The following TECTA variants were observed in gnomAD, a reference collection of about 807,000 sequenced individuals.
The protein encoded by TECTA is tectorin alpha, also known as alpha-tectorin.
Under a neutral mutation model 216.8 loss-of-function variants are expected in TECTA, and 128 were observed. The ratio of observed to expected loss-of-function variants is 0.59; its 90% CI spans 0.51 to 0.68. The LOEUF (loss-of-function observed/expected upper bound fraction) is 0.68. Among genes scored for constraint, TECTA ranks in the 30% least tolerant of loss-of-function variants. TECTA has a pLI of 0.00. For missense variants in TECTA, 2,551 were observed against 2,786.2 expected (o/e 0.92, Z 1.90); for synonymous variants, 1,089 against 1,117.1 (o/e 0.97, Z 0.50).
chr11:121,178,988 A>G (rs1254401439), intron 20 of TECTA, among the ~76,000 whole-genome samples: 4 of 151,996 alleles, frequency 2.6e-5, no homozygotes, highest in African/African-American at 9.7e-5. Flanking sequence ...TTTTCCCCTT[A>G]AGTTAGTCTA....
chr11:121,189,922 G>A (rs1444377448), intron 23 of TECTA, 42 bp downstream of exon 23: 6 of 1,541,976 alleles, frequency 3.9e-6, no homozygotes, highest in South Asian at 1.1e-5. Flanking sequence ...TGGGAGACAC[G>A]GGAGGTTCTT....
At chr11:121,128,805 C>T (rs1282383245) in intron 9 of TECTA, among the ~76,000 whole-genome samples, 1 of 152,202 alleles carries the variant, frequency 6.6e-6, no homozygotes, top group Non-Finnish European at 1.5e-5. Flanking sequence ...AACTCCCCTA[C>T]CTATACATGC....
intron 16 of TECTA, among the ~76,000 whole-genome samples, chr11:121,163,889 G>A (rs1947026207): frequency 6.6e-6 from 1 of 152,214 alleles, no homozygotes; most frequent in South Asian, 2.1e-4. Flanking sequence ...TATGTGCTTA[G>A]CACTGTGCTA....
chr11:121,176,204 TTA>T (rs1947164953), intron 20 of TECTA, among the ~76,000 whole-genome samples: 1 of 151,544 alleles, frequency 6.6e-6, no homozygotes, highest in African/African-American at 2.4e-5. Context: ...GTTAATATTG[TTA>T]TGTGTGAATT....
In TECTA at chr11:121,113,496, A is replaced by T. The variant is rs1436798334; in HGVS notation, c.625-57A>T. On this transcript the variant is annotated intron_variant, in intron 5 of 23. Coordinates refer to ENST00000392793, the MANE Select transcript of TECTA (RefSeq NM_005422.4). This position sits in a 1 kb window ranked among gnomAD's most constrained non-coding sequence, Gnocchi z 4.2. ...ATTTTAAAAATAAGGTAGTTGGGCC[A>T]GTTAACCCATGGGGAATTTTTGTAC... 9 of 1,609,340 alleles carry T rather than the reference A, an allele frequency of 5.6e-6. No homozygotes were observed. The highest frequency in any genetic ancestry group is 7.7e-6 in the Non-Finnish European group (9 of 1,175,918).
At chr11:121,134,000 A>G (rs944242421) in intron 10 of TECTA, among the ~76,000 whole-genome samples, 5 of 151,928 alleles carry the variant, frequency 3.3e-5, no homozygotes, top group Non-Finnish European at 1.5e-5. Flanking sequence ...TTTCATCTAT[A>G]TTTCATCTTC....
chr11:121,114,438 C>T (rs1427469732), intron 6 of TECTA, among the ~76,000 whole-genome samples: 1 of 152,168 alleles, frequency 6.6e-6, no homozygotes, highest in Non-Finnish European at 1.5e-5. Context: ...TTTATGAATT[C>T]CTGCTTTTTT....
At position 121,191,203 on chromosome 11, in the gene TECTA, C is replaced by T. The variant is rs537301312; in HGVS notation, c.*397C>T. The T allele has an allele frequency of 1.5e-4, 47 of 304,744 alleles. No homozygotes were observed. The highest frequency in any genetic ancestry group is 1.5e-4 in the Non-Finnish European group (24 of 159,084). The allele number at this position is 304,744 out of a possible 1,614,324, so 18.9% of individuals were successfully genotyped here. Reference sequence around the variant, plus strand: ...TTTACAGAGAGAGGGCCTGTTGGAACGATTTTGAAGTGATGACTGGAAGGT... The same window carrying T: ...TTTACAGAGAGAGGGCCTGTTGGAATGATTTTGAAGTGATGACTGGAAGGT... On this transcript the variant is annotated 3_prime_UTR_variant, in exon 24 of 24. Coordinates refer to ENST00000392793, the MANE Select transcript of TECTA (RefSeq NM_005422.4).
chr11:121,146,633 T>A (rs1238892002), intron 12 of TECTA, among the ~76,000 whole-genome samples: 1 of 152,240 alleles, frequency 6.6e-6, no homozygotes, highest in South Asian at 2.1e-4. Flanking sequence ...TAGCCTTTAC[T>A]CTGTCTTTAA....
chr11:121,161,931 G>C, intron 15 of TECTA, 144 bp from the exon 16 acceptor site: 1 of 935,918 alleles, frequency 1.1e-6, no homozygotes, highest in Non-Finnish European at 1.7e-6. Context: ...GAGACTAGCA[G>C]TATCTTACTT....
intron 6 of TECTA, among the ~76,000 whole-genome samples, chr11:121,115,908 C>A (rs900592764): frequency 5.3e-5 from 8 of 152,174 alleles, no homozygotes; most frequent in Non-Finnish European, 1.0e-4. Flanking sequence ...CCTCCCATCT[C>A]AGCCTTCCAA....
chr11:121,127,947 A>T lies in TECTA; in HGVS notation c.1970A>T (p.His657Leu). ...AAGTGCGGCTGCGACTTCGACGGCC[A>T]CTACTACACCATGGGGGAGTTCTTC... ...LHKCGCDFDG[H>L]YYTMGEFFWA... Residue 657 changes from histidine (H) to leucine (L), a missense_variant, in exon 9 of 24, where the codon CAC becomes CTC. Physicochemically the swap from His to Leu is moderately conservative, Grantham distance 99. Coordinates refer to ENST00000392793, the MANE Select transcript of TECTA (RefSeq NM_005422.4). This position sits in a 1 kb window ranked among gnomAD's most constrained non-coding sequence, Gnocchi z 5.0. 1 of 1,614,182 alleles carries T rather than the reference A, an allele frequency of 6.2e-7. No homozygotes were observed. Among genetic ancestry groups the T allele is most frequent in the Non-Finnish European group, 8.5e-7 (1 of 1,180,024 alleles).
Position 121,145,766 on chromosome 11 carries a change from T to C in TECTA, c.3755T>C (p.Leu1252Pro). The change falls in exon 12 of 24, where the codon CTG (leucine) becomes CCG (proline). Residue 1252 changes from leucine to proline, a missense_variant. Transcript: ENST00000392793. ...TACAACGGCAACCCTGATGATGACC[T>C]GGAGATGCCCATGGGTCTGCTTGCA... ...GRYNGNPDDD[L>P]EMPMGLLASS... is the part of the protein sequence containing the mutation. 1.9e-6 allele frequency: 3 copies of C among 1,614,164 alleles called. No homozygotes were observed. The highest frequency in any genetic ancestry group is 2.5e-6 in the Non-Finnish European group (3 of 1,180,032).
At chr11:121,151,585 G>T (rs1456331378) in intron 12 of TECTA, among the ~76,000 whole-genome samples, 1 of 152,118 alleles carries the variant, frequency 6.6e-6, no homozygotes, top group African/African-American at 2.4e-5. Flanking sequence ...GAACACTTCT[G>T]GAAAAATTGA....
intron 12 of TECTA, among the ~76,000 whole-genome samples, chr11:121,148,558 T>C (rs1468217177): frequency 2.0e-5 from 3 of 152,058 alleles, no homozygotes; most frequent in Non-Finnish European, 4.4e-5. Context: ...ATAGGGTTGT[T>C]TGTAACTGTA....
chr11:121,137,620 C>T lies in TECTA; in HGVS notation c.3141C>T (p.Thr1047=). ...ACTTTGAGGGGCACCAACTTGCCAC[C>T]AATGAGACCTTCTGGGTGGACCTGG... The part of the protein sequence containing the change: ...GCNFEGHQLA[T]NETFWVDLDC... The change falls in exon 11 of 24, where the codon ACC becomes ACT. Residue 1047 remains threonine, a synonymous_variant. Transcript: ENST00000392793. 6.2e-7 allele frequency: 1 copy of T among 1,613,990 alleles called. No individual in the cohort carries two copies. The highest frequency in any genetic ancestry group is 8.5e-7 in the Non-Finnish European group (1 of 1,180,020).
rs775852521 is a variant in TECTA at position 121,166,744 on chromosome 11, C to G, written c.5550C>G (p.Ile1850Met). The change falls in exon 18 of 24, where the codon ATC (isoleucine) becomes ATG (methionine). Residue 1850 changes from isoleucine to methionine, a missense_variant. Ile to Met is a conservative substitution (Grantham distance 10). Transcript: ENST00000392793. ...GGGAAGATTTTATCTCCTTTCAGAT[C>G]AACAACACCAAAGGGAATTGTGGAA... is the stretch of plus-strand genomic sequence containing the variant. ...IEGEDFISFQ[I>M]NNTKGNCGNI... 3.0e-5 allele frequency: 49 copies of G among 1,614,052 alleles called. No homozygotes were observed. The highest frequency in any genetic ancestry group is 4.2e-5 in the Non-Finnish European group (49 of 1,180,042).
At chr11:121,135,897 G>C (rs1188579701) in intron 10 of TECTA, among the ~76,000 whole-genome samples, 4 of 152,088 alleles carry the variant, frequency 2.6e-5, no homozygotes, top group African/African-American at 4.8e-5. Context: ...TAAAGTAATA[G>C]TGAGAAATAG....
intron 10 of TECTA, among the ~76,000 whole-genome samples, chr11:121,134,308 G>A (rs1305613855): frequency 1.7e-4 from 14 of 83,786 alleles, no homozygotes; most frequent in African/African-American, 3.5e-4. Context: ...TTCAACAGAC[G>A]GAGCTGAAAA....
Sources: allele counts gnomAD v4.1 joint callset (sites outside exome capture counted in the v4.1 genomes callset), GRCh38; gene constraint gnomAD v4.1.1; non-coding constraint Gnocchi (gnomAD v3.1); transcripts MANE v1.5; gene names NCBI Gene and HGNC (gene_info 2026-07-23, HGNC 2026-07-21).